Variants in ST8SIA6 observed in about 807,000 individuals in gnomAD.
ST8SIA6 encodes the protein ST8 alpha-N-acetyl-neuraminide alpha-2,8-sialyltransferase 6.
Under a neutral mutation model 33.6 loss-of-function variants are expected in ST8SIA6, and 39 were observed. The observed-to-expected ratio is 1.16, with a 90% CI of 0.90 to 1.52. ST8SIA6 has a LOEUF of 1.52. ST8SIA6 is among the 40% of genes most tolerant of loss of function. The probability of loss-of-function intolerance (pLI) is 0.00; values close to 1 mark genes in which losing one functional copy is unlikely to be tolerated. For synonymous variants in ST8SIA6, 172 were observed against 167.2 expected, an observed-to-expected ratio of 1.03 and a Z score of -0.22; for missense variants, 441 against 443.8, an observed-to-expected ratio of 0.99 and a Z score of 0.06.
At chr10:17,422,791 T>C (rs537416765) in intron 2 of ST8SIA6, among the ~76,000 whole-genome samples, 1 of 152,336 alleles carries the variant, frequency 6.6e-6, no homozygotes, top group South Asian at 2.1e-4. Flanking sequence ...GTTTCACTGA[T>C]TGAGTATCAC....
chr10:17,335,643 G>T (rs974732909), intron 4 of ST8SIA6, among the ~76,000 whole-genome samples: 3 of 151,994 alleles, frequency 2.0e-5, no homozygotes, highest in African/African-American at 7.3e-5. Flanking sequence ...ATGGTTCATG[G>T]AGATTAACAA....
intron 3 of ST8SIA6, among the ~76,000 whole-genome samples, chr10:17,370,225 C>T (rs565935751): frequency 3.2e-4 from 49 of 152,208 alleles, no homozygotes; most frequent in African/African-American, 1.1e-3. Context: ...CCTCGTGATC[C>T]GTCCGTCTCG....
In ST8SIA6 at chr10:17,374,236, AT is replaced by A. The variant is rs1472667491; in HGVS notation, c.291-14637del. Among the ~76,000 whole-genome samples the A allele has an allele frequency of 3.3e-5, 5 of 152,020 alleles. No homozygotes were observed. In the East Asian group the frequency reaches 7.7e-4, roughly 23 times the overall value. On this transcript the variant is annotated intron_variant, in intron 3 of 7. Coordinates refer to ENST00000377602, the MANE Select transcript of ST8SIA6 (RefSeq NM_001004470.3). Reference sequence around the variant, plus strand: ...AAAAAAAAAGTCATACATGCTCATAATTGAAACAAACAATATACGAATTCAA... The same window carrying A: ...AAAAAAAAAGTCATACATGCTCATAATGAAACAAACAATATACGAATTCAA...
chr10:17,326,836 T>C (rs942809877), intron 6 of ST8SIA6, among the ~76,000 whole-genome samples, 178 bp downstream of exon 6: 3 of 152,222 alleles, frequency 2.0e-5, no homozygotes, highest in East Asian at 1.9e-4. Context: ...TCTTCTGGTA[T>C]TGACATTCTG....
At chr10:17,346,976 G>A (rs949258664) in intron 4 of ST8SIA6, among the ~76,000 whole-genome samples, 3 of 152,174 alleles carry the variant, frequency 2.0e-5, no homozygotes, top group African/African-American at 7.2e-5. Flanking sequence ...GGACATCCAG[G>A]CAGGAGTTGA....
At chr10:17,325,275 A>G (rs1231980157) in intron 6 of ST8SIA6, among the ~76,000 whole-genome samples, 2 of 145,188 alleles carry the variant, frequency 1.4e-5, no homozygotes, top group East Asian at 2.0e-4. Flanking sequence ...TATACAATGT[A>G]CAATATATTA....
rs539741836 is a variant in ST8SIA6 at position 17,315,968 on chromosome 10, T to G, written c.*4910A>C. Reference sequence around the variant, plus strand: ...AATATTGGCTTTAGAGTCAGACATATGAGTTGAATACTAGCTCTGCTCTTA... The same window carrying G: ...AATATTGGCTTTAGAGTCAGACATAGGAGTTGAATACTAGCTCTGCTCTTA... On this transcript the variant is annotated 3_prime_UTR_variant, in exon 8 of 8. Coordinates refer to ENST00000377602, the MANE Select transcript of ST8SIA6 (RefSeq NM_001004470.3). Among the ~76,000 whole-genome samples, 8 of 152,160 alleles carry G rather than the reference T, an allele frequency of 5.3e-5. No individual in the cohort carries two copies. Among genetic ancestry groups the G allele is most frequent in the African/African-American group, 4.8e-5 (2 of 41,558 alleles).
At position 17,405,510 on chromosome 10, in the gene ST8SIA6, G is replaced by A. The variant is rs1432390110; in HGVS notation, c.201-14890C>T. Among the ~76,000 whole-genome samples the A allele has an allele frequency of 4.0e-5, 6 of 150,514 alleles. No individual in the cohort carries two copies. In the East Asian group the frequency reaches 1.2e-3, roughly 29 times the overall value. ...ATTTGAATCAAATAAACAAATTACA[G>A]TGATCAAGAGGATAAACTTTAAAGG... On this transcript the variant is annotated intron_variant, in intron 2 of 7. Coordinates refer to ENST00000377602, the MANE Select transcript of ST8SIA6 (RefSeq NM_001004470.3).
intron 3 of ST8SIA6, among the ~76,000 whole-genome samples, chr10:17,384,989 C>A (rs1850281111): frequency 6.6e-6 from 1 of 151,928 alleles, no homozygotes; most frequent in Non-Finnish European, 1.5e-5. Context: ...AAATCTGAAA[C>A]CAGAGAGTCT....
At chr10:17,427,689 A>G (rs1029107715) in intron 2 of ST8SIA6, among the ~76,000 whole-genome samples, 4 of 152,252 alleles carry the variant, frequency 2.6e-5, no homozygotes, top group Non-Finnish European at 5.9e-5. Flanking sequence ...CAAAGTCCTG[A>G]TATACATGGA....
At chr10:17,441,302 A>ATCTT (rs1852482172) in intron 2 of ST8SIA6, among the ~76,000 whole-genome samples, 1 of 81,336 alleles carries the variant, frequency 1.2e-5, no homozygotes, top group South Asian at 3.7e-4. Flanking sequence ...CATCTAAATT[A>ATCTT]TCTTTATTTA....
intron 4 of ST8SIA6, among the ~76,000 whole-genome samples, chr10:17,357,211 T>C (rs1198104627): frequency 2.0e-5 from 3 of 151,918 alleles, no homozygotes; most frequent in Non-Finnish European, 2.9e-5. Flanking sequence ...CTGCAACCTC[T>C]GCCTCCTGAG....
intron 2 of ST8SIA6, among the ~76,000 whole-genome samples, chr10:17,429,775 A>G (rs1347911037): frequency 3.3e-5 from 5 of 152,118 alleles, no homozygotes; most frequent in African/African-American, 9.7e-5. Flanking sequence ...GTGAGCCACA[A>G]TGCCTGGCCT....
intron 2 of ST8SIA6, among the ~76,000 whole-genome samples, chr10:17,448,815 G>C (rs1185946754): frequency 7.0e-6 from 1 of 143,030 alleles, no homozygotes; most frequent in Non-Finnish European, 1.5e-5. Flanking sequence ...GTTAGAGACA[G>C]GGTTTCACCA....
In ST8SIA6 at chr10:17,318,531, G is replaced by T. The variant is rs1322707830; in HGVS notation, c.*2347C>A. ...GCGCCTGGCCTAAAGGGCTGCTCTTGTCTAGTACCAGAACTCAGACTTTCC... is the reference window on the plus strand; with the variant it reads ...GCGCCTGGCCTAAAGGGCTGCTCTTTTCTAGTACCAGAACTCAGACTTTCC... On this transcript the variant is annotated 3_prime_UTR_variant, in exon 8 of 8. Transcript: ENST00000377602. 2.6e-6 allele frequency: 1 copy of T among 383,594 alleles called. No individual in the cohort carries two copies. The highest frequency in any genetic ancestry group is 5.2e-6 in the Non-Finnish European group (1 of 193,374). 23.8% of individuals were successfully genotyped at this position (383,594 alleles called of 1,614,324 possible).
chr10:17,334,835 C>T lies in ST8SIA6; in HGVS notation c.378-3283G>A, dbSNP rs1336321509. ...GCTTTCAAGGATCATCTGAGTTAAC[C>T]CCCAACCTCTGGCAAGTGCATGTAG... On this transcript the variant is annotated intron_variant, in intron 4 of 7. Coordinates refer to ENST00000377602, the MANE Select transcript of ST8SIA6 (RefSeq NM_001004470.3). Among the ~76,000 whole-genome samples the T allele has an allele frequency of 4.6e-5, 7 of 152,122 alleles. No homozygotes were observed. In the East Asian group the frequency reaches 1.4e-3, roughly 29 times the overall value.
intron 2 of ST8SIA6, among the ~76,000 whole-genome samples, chr10:17,428,614 G>A (rs1852007495): frequency 2.0e-5 from 3 of 151,978 alleles, no homozygotes; most frequent in Admixed American, 1.3e-4. Flanking sequence ...CTCCAGGGAG[G>A]AGCTAAGCAG....
intron 2 of ST8SIA6, among the ~76,000 whole-genome samples, chr10:17,439,966 C>A (rs187611758): frequency 6.6e-6 from 1 of 152,180 alleles, no homozygotes; most frequent in Non-Finnish European, 1.5e-5. Context: ...GATCTTCCAA[C>A]GAGGAAAGGA....
intron 2 of ST8SIA6, among the ~76,000 whole-genome samples, chr10:17,426,438 G>A (rs1448442542): frequency 2.0e-5 from 3 of 152,208 alleles, no homozygotes; most frequent in Non-Finnish European, 4.4e-5. Flanking sequence ...GGTGTGGAGA[G>A]TTCTGGGAGC....
Sources: allele counts gnomAD v4.1 joint callset (sites outside exome capture counted in the v4.1 genomes callset), GRCh38; gene constraint gnomAD v4.1.1; transcripts MANE v1.5; gene names NCBI Gene and HGNC (gene_info 2026-07-23, HGNC 2026-07-21).